SP100: variants seen among roughly 807,000 people sequenced by gnomAD.
SP100 encodes the protein SP100 nuclear body protein, also known as nuclear autoantigen Sp-100.
In SP100, 84 loss-of-function variants were observed where a neutral mutation model predicts 130.0. The observed-to-expected ratio is 0.65, with a 90% CI of 0.54 to 0.77. The LOEUF (loss-of-function observed/expected upper bound fraction) is 0.77, where lower values mean the gene tolerates loss of function less well. Among genes scored for constraint, SP100 ranks in the 30% least tolerant of loss-of-function variants. The pLI, the probability that SP100 is intolerant of heterozygous loss-of-function variation, is 0.00. For synonymous variants in SP100, 331 were observed against 351.7 expected (o/e 0.94, Z 0.66); for missense variants, 978 against 1,052.2 (o/e 0.93, Z 0.97).
Position 230,511,178 on chromosome 2 carries a change from T to G in SP100, c.2094+12T>G. 6.3e-7 allele frequency: 1 copy of G among 1,595,166 alleles called. No individual in the cohort carries two copies. The highest frequency in any genetic ancestry group is 8.6e-7 in the Non-Finnish European group (1 of 1,162,812). On this transcript the variant is annotated intron_variant, in intron 24 of 28. Coordinates refer to ENST00000340126, the MANE Select transcript of SP100 (RefSeq NM_001080391.2). Reference sequence around the variant, plus strand: ...TAGTTGACCCTTGTGTAAGTATAAATTTCCGACTATGACCCCAAAATAAGT... The same window carrying G: ...TAGTTGACCCTTGTGTAAGTATAAAGTTCCGACTATGACCCCAAAATAAGT...
chr2:230,456,093 G>A (rs185395013), intron 8 of SP100, among the ~76,000 whole-genome samples: 6 of 152,216 alleles, frequency 3.9e-5, no homozygotes, highest in African/African-American at 7.2e-5. Context: ...GACAGGTCTG[G>A]TGGTAATGAA....
At chr2:230,478,936 T>G (rs1209903322) in intron 17 of SP100, among the ~76,000 whole-genome samples, 1 of 152,200 alleles carries the variant, frequency 6.6e-6, no homozygotes, top group Non-Finnish European at 1.5e-5. Flanking sequence ...TTCTCCTGTC[T>G]CAGCCTCCTG....
At chr2:230,521,241 T>C (rs1012476605) in intron 24 of SP100, among the ~76,000 whole-genome samples, 7 of 152,188 alleles carry the variant, frequency 4.6e-5, no homozygotes, top group Non-Finnish European at 1.0e-4. Flanking sequence ...ATAGTTTCTT[T>C]TGAACAAATG....
chr2:230,449,224 C>T (rs2063847736), intron 6 of SP100, 74 bp downstream of exon 6: 22 of 1,446,946 alleles, frequency 1.5e-5, no homozygotes, highest in Non-Finnish European at 2.0e-5. Context: ...GGGGTTGCCT[C>T]TTTGTGTTAA....
Position 230,539,074 on chromosome 2 carries a change from T to C in SP100, c.2095-193T>C, listed in dbSNP as rs1168177945. On this transcript the variant is annotated intron_variant, in intron 24 of 28. Transcript: ENST00000340126. The stretch of plus-strand genomic sequence containing the variant: ...TCTCTGGTTTCATAAAGAAAACTTT[T>C]CTGGCCTGACACACAGCCACTATCT... 9.6e-6 allele frequency: 4 copies of C among 418,788 alleles called. No individual in the cohort carries two copies. The Admixed American group carries it at 1.4e-4, about 14-fold the overall frequency. 25.9% of individuals were successfully genotyped at this position (418,788 alleles called of 1,614,324 possible). A position where few individuals can be genotyped will look rare whatever the true frequency, so the allele number is the denominator to read the frequency against.
At chr2:230,474,261 G>C in intron 16 of SP100, 133 bp from the exon 17 acceptor site, 1 of 597,904 alleles carries the variant, frequency 1.7e-6, no homozygotes, top group Non-Finnish European at 3.0e-6. Flanking sequence ...TGTTTCCTTT[G>C]GAAGGAAGAC....
chr2:230,467,863 T>C (rs1486561577), intron 13 of SP100, among the ~76,000 whole-genome samples: 1 of 152,200 alleles, frequency 6.6e-6, no homozygotes. Flanking sequence ...GAAAAGAAAG[T>C]ACACTAGTCT....
chr2:230,430,632 A>G (rs1230459980), intron 2 of SP100, among the ~76,000 whole-genome samples: 1 of 152,222 alleles, frequency 6.6e-6, no homozygotes, highest in Non-Finnish European at 1.5e-5. Context: ...CAGAAGTGTC[A>G]CTGGCTGGGC....
intron 19 of SP100, among the ~76,000 whole-genome samples, chr2:230,501,638 T>G (rs2067030873): frequency 1.4e-5 from 2 of 142,134 alleles, no homozygotes; most frequent in South Asian, 5.0e-4. Context: ...GAAGGAGCAT[T>G]CACAATTGAG....
chr2:230,515,502 T>G lies in SP100; in HGVS notation c.2094+4336T>G, dbSNP rs61733090. 7.7e-3 allele frequency: 12,378 copies of G among 1,611,940 alleles called. 844 individuals carry two copies. The African/African-American group carries it at 0.15, about 19-fold the overall frequency. ...AGGAAAAATACAAAAAGGATATTGC[T>G]GCATATCGAGCTAAAGGAAAGCCTA... is the stretch of plus-strand genomic sequence containing the variant. On this transcript the variant is annotated intron_variant, in intron 24 of 28. Coordinates refer to ENST00000340126, the MANE Select transcript of SP100 (RefSeq NM_001080391.2).
intron 2 of SP100, among the ~76,000 whole-genome samples, chr2:230,424,305 G>A (rs1414265265): frequency 6.6e-6 from 1 of 152,176 alleles, no homozygotes; most frequent in Non-Finnish European, 1.5e-5. Flanking sequence ...AATGAGCCAT[G>A]CCCAACCTGG....
chr2:230,483,477 G>T (rs1349371420), intron 17 of SP100, among the ~76,000 whole-genome samples: 2 of 152,190 alleles, frequency 1.3e-5, no homozygotes, highest in East Asian at 3.8e-4. Flanking sequence ...AGAACTTATA[G>T]GCCATGGCAA....
chr2:230,539,773 C>A (rs184748994), intron 25 of SP100, among the ~76,000 whole-genome samples: 1 of 152,278 alleles, frequency 6.6e-6, no homozygotes, highest in Non-Finnish European at 1.5e-5. Flanking sequence ...GTCTATCAAG[C>A]CAACTGACCC....
chr2:230,469,538 G>A (rs927755218), intron 14 of SP100: 5 of 458,378 alleles, frequency 1.1e-5, no homozygotes, highest in Non-Finnish European at 2.2e-5. Flanking sequence ...TGAACATTAT[G>A]TATGTTCCTT....
chr2:230,505,455 C>T (rs1210431007), intron 21 of SP100, among the ~76,000 whole-genome samples: 1 of 152,194 alleles, frequency 6.6e-6, no homozygotes, highest in Non-Finnish European at 1.5e-5. Context: ...CAAGTTTCAG[C>T]TATACCAAGA....
intron 24 of SP100, among the ~76,000 whole-genome samples, chr2:230,517,695 G>A (rs1228947720): frequency 6.6e-6 from 1 of 151,376 alleles, no homozygotes; most frequent in East Asian, 1.9e-4. Flanking sequence ...AGCCCAGAAG[G>A]CAGAGGTTAC....
intron 3 of SP100, 38 bp from the exon 4 acceptor site, chr2:230,444,140 G>T (rs1178790979): frequency 7.0e-7 from 1 of 1,428,584 alleles, no homozygotes; most frequent in East Asian, 2.3e-5. Flanking sequence ...TGACTTGGAA[G>T]TCTTTATTTA....
intron 24 of SP100, chr2:230,520,492 C>T (rs1305568264): frequency 6.6e-6 from 1 of 152,200 alleles, no homozygotes; most frequent in African/African-American, 2.4e-5. Flanking sequence ...ACTTCCACCA[C>T]GATGGGAGGT....
At chr2:230,447,269 G>C (rs969293326) in intron 5 of SP100, among the ~76,000 whole-genome samples, 1 of 152,188 alleles carries the variant, frequency 6.6e-6, no homozygotes, top group African/African-American at 2.4e-5. Context: ...GGAAAGAAAG[G>C]CTCCTGTTTT....
Sources: allele counts gnomAD v4.1 joint callset (sites outside exome capture counted in the v4.1 genomes callset), GRCh38; gene constraint gnomAD v4.1.1; transcripts MANE v1.5; gene names NCBI Gene and HGNC (gene_info 2026-07-23, HGNC 2026-07-21).